PRKAA1: variants seen among roughly 807,000 people sequenced by gnomAD.
PRKAA1 encodes the protein protein kinase AMP-activated catalytic subunit alpha 1.
A neutral mutation model predicts 56.9 loss-of-function variants in PRKAA1; 23 were observed. The observed-to-expected ratio is 0.40, with a 90% CI of 0.29 to 0.57. The LOEUF (loss-of-function observed/expected upper bound fraction) is 0.57. Among genes scored for constraint, PRKAA1 ranks in the 20% least tolerant of loss-of-function variants. The pLI, the probability that PRKAA1 is intolerant of heterozygous loss-of-function variation, is 0.39. For missense variants in PRKAA1, 413 were observed against 679.7 expected, an observed-to-expected ratio of 0.61 and a Z score of 4.36; for synonymous variants, 226 against 227.0, an observed-to-expected ratio of 1.00 and a Z score of 0.04.
chr5:40,785,072 C>G (rs1305861261), intron 1 of PRKAA1, among the ~76,000 whole-genome samples: 2 of 152,132 alleles, frequency 1.3e-5, no homozygotes, highest in African/African-American at 2.4e-5. Flanking sequence ...TGCATTCAAT[C>G]ATACAAATTC....
At chr5:40,765,709 A>G (rs1350618248) in intron 6 of PRKAA1, among the ~76,000 whole-genome samples, 1 of 151,214 alleles carries the variant, frequency 6.6e-6, no homozygotes, top group African/African-American at 2.4e-5. Context: ...AAACAATTAT[A>G]TGAAGATAAT....
intron 1 of PRKAA1, among the ~76,000 whole-genome samples, chr5:40,797,473 G>A (rs944227308): frequency 4.6e-5 from 7 of 152,176 alleles, no homozygotes; most frequent in Non-Finnish European, 7.3e-5. Flanking sequence ...TGCTCCGAAG[G>A]AAACCAGTGA....
intron 5 of PRKAA1, among the ~76,000 whole-genome samples, chr5:40,768,029 A>C (rs1436516779): frequency 6.7e-6 from 1 of 148,880 alleles, no homozygotes; most frequent in Non-Finnish European, 1.5e-5. Context: ...TATTTCATCA[A>C]CTGAGAATGT....
chr5:40,765,486 T>C (rs1743386218), intron 6 of PRKAA1, among the ~76,000 whole-genome samples: 1 of 152,148 alleles, frequency 6.6e-6, no homozygotes, highest in African/African-American at 2.4e-5. Flanking sequence ...AAAAAAGTTA[T>C]GGGACAAATG....
At chr5:40,793,442 C>T (rs938622363) in intron 1 of PRKAA1, among the ~76,000 whole-genome samples, 1 of 152,166 alleles carries the variant, frequency 6.6e-6, no homozygotes, top group African/African-American at 2.4e-5. Context: ...ACAATCACTC[C>T]GAACTTCCAG....
intron 1 of PRKAA1, 75 bp from the exon 2 acceptor site, chr5:40,777,661 CAGTGGCT>C: frequency 7.2e-7 from 1 of 1,386,340 alleles, no homozygotes; most frequent in Non-Finnish European, 9.8e-7. Flanking sequence ...TGGCCCGGTG[CAGTGGCT>C]CATGCCTGTA....
In PRKAA1 at chr5:40,792,104, C is replaced by T. The variant is rs152374; in HGVS notation, c.127+5959G>A. Reference sequence around the variant, plus strand: ...CTAGTCCCCTATACTGAGCAACTAACGTAACCAGTCTTGTGTGTATCTTTA... The same window carrying T: ...CTAGTCCCCTATACTGAGCAACTAATGTAACCAGTCTTGTGTGTATCTTTA... On this transcript the variant is annotated intron_variant, in intron 1 of 8. Coordinates refer to ENST00000397128, the MANE Select transcript of PRKAA1 (RefSeq NM_006251.6). 1.1e-3 allele frequency among the ~76,000 whole-genome samples: 170 copies of T among 152,334 alleles called. 1 individual carries two copies. The East Asian group carries it at 0.028, about 25-fold the overall frequency.
intron 1 of PRKAA1, among the ~76,000 whole-genome samples, chr5:40,782,544 C>A (rs766268784): frequency 6.6e-6 from 1 of 152,110 alleles, no homozygotes; most frequent in Non-Finnish European, 1.5e-5. Context: ...TAAACTCATC[C>A]ATGAAATGCA....
chr5:40,789,964 T>C (rs1294766701), intron 1 of PRKAA1: 1 of 152,232 alleles, frequency 6.6e-6, no homozygotes, highest in African/African-American at 2.4e-5. Flanking sequence ...ATGGCCTTCA[T>C]TGGTTGCAAT....
intron 1 of PRKAA1, among the ~76,000 whole-genome samples, chr5:40,789,864 A>G (rs377060265): frequency 8.5e-5 from 13 of 152,268 alleles, no homozygotes; most frequent in African/African-American, 3.1e-4. Context: ...GAATGTATAC[A>G]TGTATCAAAA....
At chr5:40,770,671 A>G (rs865958709) in intron 4 of PRKAA1, among the ~76,000 whole-genome samples, 29 of 147,666 alleles carry the variant, frequency 2.0e-4, no homozygotes, top group Middle Eastern at 6.9e-3. Flanking sequence ...AACTCACTAC[A>G]ACCTCCACCT....
At chr5:40,776,132 G>T (rs1743991957) in intron 2 of PRKAA1, among the ~76,000 whole-genome samples, 1 of 152,246 alleles carries the variant, frequency 6.6e-6, no homozygotes, top group Non-Finnish European at 1.5e-5. Flanking sequence ...AGCCACAGGA[G>T]GTTACTTCAG....
intron 3 of PRKAA1, among the ~76,000 whole-genome samples, chr5:40,774,523 G>T (rs1366013242): frequency 1.4e-5 from 2 of 147,912 alleles, no homozygotes; most frequent in African/African-American, 5.0e-5. Context: ...TATCAATTGT[G>T]CCTGTTTCCC....
intron 1 of PRKAA1, among the ~76,000 whole-genome samples, chr5:40,786,409 G>C (rs909300366): frequency 3.3e-5 from 5 of 152,054 alleles, no homozygotes; most frequent in African/African-American, 1.2e-4. Context: ...GTAAGTCATT[G>C]AGTCTGTGGC....
In PRKAA1 at chr5:40,762,920, T is replaced by C. The variant is rs200834318; in HGVS notation, c.1538A>G (p.Gln513Arg). Residue 513 changes from glutamine to arginine, a missense_variant, in exon 9 of 9, where the codon CAA becomes CGA. Gln to Arg is a conservative substitution (Grantham distance 43). Around this residue, in one of 9 missense-constraint regions of PRKAA1, gnomAD observed 139 missense variants for 171.5 expected, o/e 0.81. Coordinates refer to ENST00000397128, the MANE Select transcript of PRKAA1 (RefSeq NM_006251.6). ...CQRSDSDAEA[Q>R]GKSSEVSLTS... Reference sequence around the variant, plus strand: ...AAGAGAAACTTCTGAGGATTTTCCTTGAGCCTCAGCATCTGAATCACTCCT... The same window carrying C: ...AAGAGAAACTTCTGAGGATTTTCCTCGAGCCTCAGCATCTGAATCACTCCT... The C allele has an allele frequency of 5.6e-6, 9 of 1,614,176 alleles. No homozygotes were observed. In the African/African-American group the frequency reaches 1.1e-4, roughly 19 times the overall value.
chr5:40,787,050 A>C (rs1744521702), intron 1 of PRKAA1, among the ~76,000 whole-genome samples: 1 of 152,174 alleles, frequency 6.6e-6, no homozygotes, highest in African/African-American at 2.4e-5. Context: ...AAACATGAAA[A>C]GTATAAAACT....
intron 1 of PRKAA1, among the ~76,000 whole-genome samples, chr5:40,787,762 A>T (rs1259631221): frequency 2.6e-5 from 4 of 152,106 alleles, no homozygotes; most frequent in Non-Finnish European, 4.4e-5. Flanking sequence ...ACAAAGGGGG[A>T]AAGTAATAGA....
intron 1 of PRKAA1, 38 bp downstream of exon 1, chr5:40,798,025 C>G (rs766699956): frequency 5.6e-6 from 9 of 1,599,920 alleles, no homozygotes; most frequent in Non-Finnish European, 7.7e-6. Context: ...CGTGCGGCTC[C>G]TCAGCTGGGG....
chr5:40,793,067 CAAA>C (rs1235516933), intron 1 of PRKAA1, among the ~76,000 whole-genome samples: 6 of 109,192 alleles, frequency 5.5e-5, no homozygotes, highest in Non-Finnish European at 1.2e-4. Flanking sequence ...AACTCCATCT[CAAA>C]AAAAAAAAAA....
Sources: gnomAD v4.1 joint callset for allele counts (sites outside exome capture counted in the v4.1 genomes callset) on GRCh38, gnomAD v4.1.1 for gene constraint, gnomAD v4.1.1 regional missense constraint, MANE v1.5 for transcripts, NCBI Gene and HGNC (gene_info 2026-07-23, HGNC 2026-07-21) for gene names.